CDC25C: variants seen among roughly 807,000 people sequenced by gnomAD.
The protein encoded by CDC25C is M-phase inducer phosphatase 3.
A neutral mutation model predicts 52.5 loss-of-function variants in CDC25C; 48 were observed. The observed-to-expected ratio is 0.91, with a 90% CI of 0.72 to 1.16. CDC25C has a LOEUF of 1.16. CDC25C is among the 50% of genes most tolerant of loss of function. The probability of loss-of-function intolerance (pLI) is 0.00; values close to 1 mark genes in which losing one functional copy is unlikely to be tolerated. For synonymous variants in CDC25C, 187 were observed against 206.5 expected (o/e 0.91, Z 0.81); for missense variants, 510 against 566.1 (o/e 0.90, Z 1.01).
At chr5:138,338,183 G>T (rs1760852851) in exon 1 of CDC25C, 3 of 1,287,876 alleles carry the variant, frequency 2.3e-6, no homozygotes, top group Non-Finnish European at 3.0e-6. Context: ...TCTGCGAGCC[G>T]GAGCTGTCCC....
Position 138,330,901 on chromosome 5 carries a change from G to A in CDC25C, c.194+86C>T, listed in dbSNP as rs1760318553. The A allele has an allele frequency of 4.3e-6, 4 of 929,612 alleles. 1 individual carries two copies. The Admixed American group carries it at 7.6e-5, about 18-fold the overall frequency. The allele number at this position is 929,612 out of a possible 1,614,324, so 57.6% of individuals were successfully genotyped here. ...AGACTTAAAGCCTGACCTTTGAGCC[G>A]GGATAATTGAAAACAAACCAACAAA... On this transcript the variant is annotated intron_variant, in intron 2 of 13. Transcript: ENST00000323760.
chr5:138,286,642 G>T lies in CDC25C; in HGVS notation c.1027-12C>A. 1.2e-6 allele frequency: 2 copies of T among 1,604,558 alleles called. No homozygotes were observed. Among genetic ancestry groups the T allele is most frequent in the Admixed American group, 1.7e-5 (1 of 58,076 alleles). On this transcript the variant is annotated splice_polypyrimidine_tract_variant and intron_variant, in intron 11 of 13. Transcript: ENST00000323760. The stretch of plus-strand genomic sequence containing the variant: ...AAGTTTAAGGCTCCCTGTAGAAGAA[G>T]AATTTTAGTAAGTATTTCCTCAGGG...
In CDC25C at chr5:138,319,379, CA is replaced by C. The variant is rs1759163828; in HGVS notation, c.460-6del. 4 of 1,606,452 alleles carry C rather than the reference CA, an allele frequency of 2.5e-6. No individual in the cohort carries two copies. Among genetic ancestry groups the C allele is most frequent in the Non-Finnish European group, 3.4e-6 (4 of 1,176,118 alleles). On this transcript the variant is annotated splice_region_variant and splice_polypyrimidine_tract_variant and intron_variant, in intron 6 of 13. Transcript: ENST00000323760. ...GTCCACCAAGTTTCCATTGTCCTGT[CA>C]AGTATATTGACAACATTAAAAACTA...
At chr5:138,295,045 C>A (rs1195221818) in intron 7 of CDC25C, among the ~76,000 whole-genome samples, 4 of 152,128 alleles carry the variant, frequency 2.6e-5, no homozygotes, top group Non-Finnish European at 5.9e-5. Context: ...GGTTAAAGTA[C>A]TTTTATCTTT....
chr5:138,290,961 T>A (rs1218958426), intron 8 of CDC25C, among the ~76,000 whole-genome samples: 3 of 151,842 alleles, frequency 2.0e-5, no homozygotes, highest in African/African-American at 7.3e-5. Context: ...TTTGTTTATT[T>A]ATTATTTTTA....
chr5:138,286,437 G>A (rs1456411575), intron 12 of CDC25C, 60 bp downstream of exon 12: 3 of 1,534,580 alleles, frequency 2.0e-6, no homozygotes, highest in East Asian at 2.3e-5. Flanking sequence ...CTGAACTGGT[G>A]TGGGAAGTCC....
chr5:138,323,692 G>T (rs1759615354), intron 6 of CDC25C, among the ~76,000 whole-genome samples: 1 of 152,082 alleles, frequency 6.6e-6, no homozygotes, highest in South Asian at 2.1e-4. Flanking sequence ...CAGGTATGGT[G>T]GCTCATGCCT....
At chr5:138,317,994 T>TC (rs1210919277) in intron 7 of CDC25C, among the ~76,000 whole-genome samples, 31 of 152,322 alleles carry the variant, frequency 2.0e-4, no homozygotes, top group African/African-American at 5.1e-4. Context: ...AAGATTTCTG[T>TC]AGTGACCTGA....
At chr5:138,295,502 A>G (rs1757111331) in intron 7 of CDC25C, among the ~76,000 whole-genome samples, 1 of 152,034 alleles carries the variant, frequency 6.6e-6, no homozygotes, top group Admixed American at 6.6e-5. Context: ...AGTCCCAGCT[A>G]CTTGGGAGGC....
intron 4 of CDC25C, among the ~76,000 whole-genome samples, chr5:138,327,928 G>A (rs1280576820): frequency 1.3e-5 from 2 of 151,558 alleles, no homozygotes; most frequent in Middle Eastern, 3.4e-3. Context: ...GGGCAGTGGC[G>A]CAGTCTTGGC....
In CDC25C at chr5:138,286,021, C is replaced by G; in HGVS notation, c.1272+1G>C. ...GGCTCCCCGCATGCCCCACCCTTTA[C>G]CATATATTCTGGAAAGAAGTCTCTG... On this transcript the variant is annotated splice_donor_variant, in intron 13 of 13. Coordinates refer to ENST00000323760, the MANE Select transcript of CDC25C (RefSeq NM_001790.5). LOFTEE classifies it high-confidence loss of function. 1 of 1,608,732 alleles carries G rather than the reference C, an allele frequency of 6.2e-7. No homozygotes were observed. Among genetic ancestry groups the G allele is most frequent in the Non-Finnish European group, 8.5e-7 (1 of 1,175,222 alleles).
chr5:138,319,135 T>C, intron 7 of CDC25C, 84 bp downstream of exon 7: 1 of 1,240,896 alleles, frequency 8.1e-7, no homozygotes, highest in Non-Finnish European at 1.1e-6. Flanking sequence ...AAATAAACTC[T>C]CCTAAGTTTA....
At chr5:138,286,705 C>T (rs552698776) in intron 11 of CDC25C, 75 bp from the exon 12 acceptor site, 54 of 1,369,456 alleles carry the variant, frequency 3.9e-5, no homozygotes, top group Admixed American at 1.5e-4. Context: ...ATGACTGAGA[C>T]GCCAACCTGG....
At chr5:138,318,540 C>A (rs1183323406) in intron 7 of CDC25C, among the ~76,000 whole-genome samples, 1 of 151,860 alleles carries the variant, frequency 6.6e-6, no homozygotes, top group Non-Finnish European at 1.5e-5. Flanking sequence ...ATGGTGAAAC[C>A]CTGTCTCTAC....
chr5:138,335,337 A>G (rs4835778), upstream of CDC25C: 38,213 of 152,178 alleles, frequency 0.25, 5,403 homozygotes, highest in East Asian at 0.56. Context: ...TGAAAAGGGA[A>G]GGTCTGAATC....
At chr5:138,291,376 T>C (rs1007799407) in intron 8 of CDC25C, among the ~76,000 whole-genome samples, 5 of 151,994 alleles carry the variant, frequency 3.3e-5, no homozygotes, top group African/African-American at 1.2e-4. Flanking sequence ...CTTTCAGATC[T>C]TAAGAAAAAG....
At chr5:138,326,408 C>T (rs1759861052) in intron 4 of CDC25C, among the ~76,000 whole-genome samples, 2 of 152,006 alleles carry the variant, frequency 1.3e-5, no homozygotes, top group Admixed American at 1.3e-4. Flanking sequence ...GTGGCACGAC[C>T]TCGGCTCACA....
intron 6 of CDC25C, among the ~76,000 whole-genome samples, chr5:138,324,186 G>T (rs1301143115): frequency 2.7e-5 from 4 of 149,968 alleles, no homozygotes; most frequent in African/African-American, 9.8e-5. Context: ...CAGGAGAATT[G>T]CTTGAACCAG....
intron 7 of CDC25C, among the ~76,000 whole-genome samples, chr5:138,294,209 T>C (rs1298870347): frequency 1.3e-5 from 2 of 150,908 alleles, no homozygotes; most frequent in Non-Finnish European, 3.0e-5. Flanking sequence ...TTTTTTTTTT[T>C]GAGATGGAGT....
Sources: allele counts gnomAD v4.1 joint callset (sites outside exome capture counted in the v4.1 genomes callset), GRCh38; gene constraint gnomAD v4.1.1; transcripts MANE v1.5; gene names NCBI Gene and HGNC (gene_info 2026-07-23, HGNC 2026-07-21).